SNU13: variants seen among roughly 807,000 people sequenced by gnomAD.
SNU13 encodes small nuclear ribonucleoprotein 13.
SNU13 carries 2 observed loss-of-function variants against 12.4 expected under a neutral mutation model. The observed-to-expected ratio is 0.16, with a 90% CI of 0.07 to 0.51. The LOEUF is 0.51. Ranked by LOEUF, SNU13 falls within the 20% of genes least tolerant of loss-of-function variation. SNU13 has a pLI of 0.96. For synonymous variants in SNU13, 68 were observed against 66.5 expected (o/e 1.02, Z -0.11); for missense variants, 66 against 157.8 (o/e 0.42, Z 3.12).
chr22:41,686,382 G>A (rs1601576680), intron 1 of SNU13, among the ~76,000 whole-genome samples: 1 of 149,736 alleles, frequency 6.7e-6, no homozygotes, highest in African/African-American at 2.5e-5. Context: ...TCGGCTCACC[G>A]AAACCTCTGC....
At position 41,674,419 on chromosome 22, in the gene SNU13, C is replaced by A. The variant is rs531482683; in HGVS notation, c.*514G>T. 2.8e-4 allele frequency: 44 copies of A among 157,412 alleles called. 1 individual carries two copies. Among genetic ancestry groups the A allele is most frequent in the Admixed American group, 6.8e-4 (11 of 16,246 alleles). 9.8% of individuals were successfully genotyped at this position (157,412 alleles called of 1,614,324 possible). On this transcript the variant is annotated 3_prime_UTR_variant, in exon 3 of 3. Coordinates refer to ENST00000401959, the MANE Select transcript of SNU13 (RefSeq NM_001003796.2). ...ATTAGTAAACGACACTTGGACATAG[C>A]CGAACAACCTCACAGAACACATGCT...
intron 2 of SNU13, among the ~76,000 whole-genome samples, chr22:41,675,752 T>G (rs1419884295): frequency 6.7e-6 from 1 of 148,632 alleles, no homozygotes; most frequent in East Asian, 2.0e-4. Context: ...TTCTTTTTTT[T>G]TTTTTTTTCT....
At chr22:41,688,747 C>T (rs774520657) in intron 1 of SNU13, 47 bp downstream of exon 1, 1 of 1,597,602 alleles carries the variant, frequency 6.3e-7, no homozygotes, top group Admixed American at 1.7e-5. Flanking sequence ...GTGAACGCAA[C>T]CCTGAGTCTC....
intron 1 of SNU13, 54 bp from the exon 2 acceptor site, chr22:41,680,418 T>C (rs2068252817): frequency 6.3e-7 from 1 of 1,576,300 alleles, no homozygotes; most frequent in Admixed American, 1.7e-5. Context: ...TTTTCCTACC[T>C]GAGTCACAAA....
chr22:41,685,063 G>A (rs2147140385), intron 1 of SNU13, among the ~76,000 whole-genome samples: 1 of 151,062 alleles, frequency 6.6e-6, no homozygotes, highest in African/African-American at 2.4e-5. Context: ...GTTGAGGCAG[G>A]AGAATGGCTT....
chr22:41,679,536 A>C (rs1440287348), intron 2 of SNU13, among the ~76,000 whole-genome samples: 1 of 152,168 alleles, frequency 6.6e-6, no homozygotes, highest in Non-Finnish European at 1.5e-5. Context: ...AGCTTGGGCA[A>C]CAAGAGCAAA....
intron 1 of SNU13, chr22:41,682,359 A>G (rs552718022): frequency 1.2e-6 from 2 of 1,613,862 alleles, no homozygotes; most frequent in South Asian, 1.1e-5. Flanking sequence ...CACTCACCAT[A>G]GCGTCTGTCT....
chr22:41,688,652 T>G (rs1601578491), intron 1 of SNU13, 142 bp downstream of exon 1: 1 of 1,200,668 alleles, frequency 8.3e-7, no homozygotes, highest in Non-Finnish European at 1.1e-6. Context: ...GCTGCTGGGG[T>G]TCTAACTAAG....
At chr22:41,686,696 G>A (rs1021855687) in intron 1 of SNU13, among the ~76,000 whole-genome samples, 3 of 151,174 alleles carry the variant, frequency 2.0e-5, no homozygotes, top group East Asian at 1.9e-4. Context: ...GCATGATCTC[G>A]GCTCACTGCA....
At chr22:41,687,278 ATATACT>A (rs1234888334) in intron 1 of SNU13, among the ~76,000 whole-genome samples, 4 of 152,154 alleles carry the variant, frequency 2.6e-5, no homozygotes, top group Non-Finnish European at 5.9e-5. Flanking sequence ...TTTAAAATAG[ATATACT>A]TAGAAATATT....
chr22:41,685,719 T>A (rs1015233915), intron 1 of SNU13, among the ~76,000 whole-genome samples: 1 of 150,848 alleles, frequency 6.6e-6, no homozygotes, highest in Non-Finnish European at 1.5e-5. Context: ...TAATCCCACC[T>A]CTTTGGGAGG....
chr22:41,683,012 T>G (rs188856576), intron 1 of SNU13, among the ~76,000 whole-genome samples: 169 of 152,020 alleles, frequency 1.1e-3, no homozygotes, highest in East Asian at 6.2e-3. Context: ...AAACATTTTC[T>G]TTTTTGAGAC....
intron 1 of SNU13, chr22:41,682,259 G>A (rs1196362934): frequency 6.6e-6 from 9 of 1,368,952 alleles, no homozygotes; most frequent in Non-Finnish European, 7.3e-6. Context: ...TCCTCCTTCC[G>A]TTTTTTTACA....
chr22:41,677,447 C>T (rs1350972443), intron 2 of SNU13, among the ~76,000 whole-genome samples: 1 of 152,120 alleles, frequency 6.6e-6, no homozygotes, highest in Admixed American at 6.6e-5. Context: ...ATCACCTAAG[C>T]CCAGGAGGTC....
At chr22:41,682,506 C>G (rs1183533292) in intron 1 of SNU13, 8 of 1,548,068 alleles carry the variant, frequency 5.2e-6, no homozygotes, top group Non-Finnish European at 6.9e-6. Context: ...GAAGTGACGT[C>G]CAGGGCCAGC....
At chr22:41,680,668 G>A (rs1306987716) in intron 1 of SNU13, among the ~76,000 whole-genome samples, 4 of 152,108 alleles carry the variant, frequency 2.6e-5, no homozygotes, top group East Asian at 1.9e-4. Context: ...CCATGGCTCC[G>A]CATCCATTTG....
chr22:41,675,182 G>C lies in SNU13; in HGVS notation c.138C>G (p.Leu46=), dbSNP rs1158760999. ...RKGANEATKT[L]NRGISEFIVM... is the part of the protein sequence containing the mutation. ...CGATGAACTCAGAGATGCCCCTGTT[G>C]AGGGTTTTGGTGGCTGCGGAGAGAA... Residue 46 remains leucine, a synonymous_variant, in exon 3 of 3, where the codon CTC becomes CTG. Coordinates refer to ENST00000401959, the MANE Select transcript of SNU13 (RefSeq NM_001003796.2). The C allele has an allele frequency of 6.8e-6, 11 of 1,613,416 alleles. No homozygotes were observed. Among genetic ancestry groups the C allele is most frequent in the Non-Finnish European group, 9.3e-6 (11 of 1,179,974 alleles).
Position 41,674,967 on chromosome 22 carries a change from G to T in SNU13, c.353C>A (p.Ser118Tyr), listed in dbSNP as rs2068198472. The part of the protein sequence containing the change: ...EGSQLKQQIQ[S>Y]IQQSIERLLV ...GAGCCTTTCAATGGACTGCTGAATG[G>T]ATTGGATCTGCTGTTTCAGCTGCGA... The change falls in exon 3 of 3, where the codon TCC becomes TAC. Residue 118 changes from serine to tyrosine, a missense_variant. By Grantham distance (144) the Ser-to-Tyr change is moderately radical (BLOSUM62 -2). Coordinates refer to ENST00000401959, the MANE Select transcript of SNU13 (RefSeq NM_001003796.2). 6.2e-7 allele frequency: 1 copy of T among 1,614,084 alleles called. No homozygotes were observed. Among genetic ancestry groups the T allele is most frequent in the East Asian group, 2.2e-5 (1 of 44,890 alleles).
intron 1 of SNU13, chr22:41,682,407 G>GT: frequency 6.2e-7 from 1 of 1,613,562 alleles, no homozygotes; most frequent in East Asian, 2.2e-5. Flanking sequence ...GATACCACGC[G>GT]TGTCGGTTTG....
Sources: gnomAD v4.1 joint callset for allele counts (sites outside exome capture counted in the v4.1 genomes callset) on GRCh38, gnomAD v4.1.1 for gene constraint, MANE v1.5 for transcripts, NCBI Gene and HGNC (gene_info 2026-07-23, HGNC 2026-07-21) for gene names.